GNAO1: variants seen among roughly 807,000 people sequenced by gnomAD.
GNAO1 encodes guanine nucleotide-binding protein G(o) subunit alpha.
For synonymous variants in GNAO1, 164 were observed against 180.7 expected (o/e 0.91, Z 0.74); for missense variants, 166 against 478.7 (o/e 0.35, Z 6.10).
intron 2 of GNAO1, among the ~76,000 whole-genome samples, chr16:56,264,834 C>T (rs1311453021): frequency 1.3e-5 from 2 of 148,798 alleles, no homozygotes; most frequent in Admixed American, 6.7e-5. Flanking sequence ...GTATAGTATA[C>T]TAATTATATA....
chr16:56,335,561 C>T (rs1367493082), intron 5 of GNAO1, among the ~76,000 whole-genome samples: 2 of 152,232 alleles, frequency 1.3e-5, no homozygotes, highest in Non-Finnish European at 2.9e-5. Flanking sequence ...ATATTCCCTG[C>T]CTCCCATGTC....
intron 2 of GNAO1, among the ~76,000 whole-genome samples, chr16:56,244,028 T>C (rs2036719024): frequency 6.6e-6 from 1 of 152,222 alleles, no homozygotes; most frequent in South Asian, 2.1e-4. Flanking sequence ...GAGTTTGTGT[T>C]CTGTCTGTGG....
chr16:56,269,120 A>G (rs766031310), intron 2 of GNAO1, among the ~76,000 whole-genome samples: 2 of 152,236 alleles, frequency 1.3e-5, no homozygotes, highest in Non-Finnish European at 2.9e-5. Context: ...AACATATTTC[A>G]TGACACGTTA....
At position 56,351,758 on chromosome 16, in the gene GNAO1, A is replaced by C; in HGVS notation, c.877+221A>C. 1.9e-6 allele frequency: 1 copy of C among 540,100 alleles called. No homozygotes were observed. The highest frequency in any genetic ancestry group is 3.3e-6 in the Non-Finnish European group (1 of 299,900). The allele number at this position is 540,100 out of a possible 1,614,324, so 33.5% of individuals were successfully genotyped here. On this transcript the variant is annotated intron_variant, in intron 7 of 8. Coordinates refer to ENST00000262493, the MANE Select transcript of GNAO1 (RefSeq NM_020988.3). This position sits in a 1 kb window ranked among gnomAD's most constrained non-coding sequence, Gnocchi z 6.1. ...GTGGAAATGGCCCCTCCTAAGATATATGTGTTAGGACCAAGTGACTCAGGA... is the reference window on the plus strand; with the variant it reads ...GTGGAAATGGCCCCTCCTAAGATATCTGTGTTAGGACCAAGTGACTCAGGA...
At chr16:56,205,067 T>G (rs1220504417) in intron 2 of GNAO1, among the ~76,000 whole-genome samples, 1 of 152,128 alleles carries the variant, frequency 6.6e-6, no homozygotes, top group African/African-American at 2.4e-5. Context: ...TAGTGCTAAT[T>G]GAGAAAGAAA....
intron 3 of GNAO1, among the ~76,000 whole-genome samples, chr16:56,290,743 C>A (rs1411399996): frequency 6.6e-6 from 1 of 152,202 alleles, no homozygotes; most frequent in African/African-American, 2.4e-5. Flanking sequence ...CCTCTCCAGG[C>A]AAGGCACAGA....
chr16:56,226,806 A>G (rs2143384773), intron 2 of GNAO1, among the ~76,000 whole-genome samples: 1 of 152,336 alleles, frequency 6.6e-6, no homozygotes, highest in East Asian at 1.9e-4. Context: ...AAACTTAACC[A>G]AGGTTGTACA....
intron 2 of GNAO1, among the ~76,000 whole-genome samples, chr16:56,237,311 ATGGAGCTGAATAT>A (rs1304701534): frequency 6.6e-6 from 1 of 152,214 alleles, no homozygotes; most frequent in Admixed American, 6.5e-5. Context: ...TGTACCTGAC[ATGGAGCTGAATAT>A]TGGAGCTGAG....
intron 6 of GNAO1, among the ~76,000 whole-genome samples, chr16:56,350,259 A>C (rs1386672663): frequency 6.6e-6 from 1 of 152,088 alleles, no homozygotes; most frequent in East Asian, 1.9e-4. Context: ...TTCTTATTTC[A>C]GAGGTAGAGT....
intron 2 of GNAO1, among the ~76,000 whole-genome samples, chr16:56,249,945 G>T (rs2036784494): frequency 6.6e-6 from 1 of 152,170 alleles, no homozygotes; most frequent in Non-Finnish European, 1.5e-5. Flanking sequence ...GGGTTTACAT[G>T]ATGTGCTTCT....
chr16:56,322,679 C>T (rs915919589), intron 3 of GNAO1, among the ~76,000 whole-genome samples: 14 of 152,174 alleles, frequency 9.2e-5, no homozygotes, highest in African/African-American at 3.1e-4. Context: ...GATGTGAAGT[C>T]CAGAGCTGCT....
chr16:56,331,880 C>T (rs2037691947), intron 4 of GNAO1, among the ~76,000 whole-genome samples: 1 of 152,216 alleles, frequency 6.6e-6, no homozygotes, highest in African/African-American at 2.4e-5. Context: ...CCCGTGGAAC[C>T]CCTGGCTCCC....
At chr16:56,213,482 G>A (rs2036409537) in intron 2 of GNAO1, 1 of 395,564 alleles carries the variant, frequency 2.5e-6, no homozygotes, top group Admixed American at 4.4e-5. Context: ...GAGCGGGAGG[G>A]AATGTTAGTT....
At chr16:56,203,920 G>T (rs1430740618) in intron 2 of GNAO1, among the ~76,000 whole-genome samples, 2 of 152,176 alleles carry the variant, frequency 1.3e-5, no homozygotes. Context: ...AGATTATAGG[G>T]TTCCCTGATA....
At chr16:56,291,933 C>T (rs2037236577) in intron 3 of GNAO1, among the ~76,000 whole-genome samples, 1 of 152,206 alleles carries the variant, frequency 6.6e-6, no homozygotes, top group South Asian at 2.1e-4. Flanking sequence ...TTCCCAAAGG[C>T]CCCACCTCTT....
chr16:56,232,411 C>T (rs969317042), intron 2 of GNAO1, among the ~76,000 whole-genome samples: 8 of 152,164 alleles, frequency 5.3e-5, no homozygotes, highest in African/African-American at 1.9e-4. Flanking sequence ...AACTTGTGTT[C>T]TATACCTCCC....
At chr16:56,206,510 A>G (rs532302194) in intron 2 of GNAO1, among the ~76,000 whole-genome samples, 3 of 152,104 alleles carry the variant, frequency 2.0e-5, no homozygotes, top group Non-Finnish European at 4.4e-5. Flanking sequence ...AAATTACATC[A>G]GTGGTTTCCA....
chr16:56,212,281 A>G (rs951914844), intron 2 of GNAO1, among the ~76,000 whole-genome samples: 1 of 152,202 alleles, frequency 6.6e-6, no homozygotes, highest in African/African-American at 2.4e-5. Context: ...CTTTGTCCCG[A>G]TGGCTCCAAC....
At chr16:56,281,447 T>C (rs2587878) in intron 3 of GNAO1, among the ~76,000 whole-genome samples, 98,048 of 151,806 alleles carry the variant, frequency 0.65, 32,176 homozygotes, top group African/African-American at 0.75. Flanking sequence ...GGTCCTCTCT[T>C]TCCCACTAAA....
Sources: gnomAD v4.1 joint callset for allele counts (sites outside exome capture counted in the v4.1 genomes callset) on GRCh38, gnomAD v4.1.1 for gene constraint, Gnocchi (gnomAD v3.1) non-coding constraint, MANE v1.5 for transcripts, NCBI Gene and HGNC (gene_info 2026-07-23, HGNC 2026-07-21) for gene names.